The following SPTBN1 variants were observed in gnomAD, a reference collection of about 807,000 sequenced individuals.
SPTBN1 encodes spectrin beta, non-erythrocytic 1, also known as spectrin beta chain, non-erythrocytic 1.
Under a neutral mutation model 266.4 loss-of-function variants are expected in SPTBN1, and 32 were observed. The ratio of observed to expected loss-of-function variants is 0.12; its 90% CI spans 0.09 to 0.16. SPTBN1 has a LOEUF of 0.16. Among genes scored for constraint, SPTBN1 ranks in the 10% least tolerant of loss-of-function variants. The pLI, the probability that SPTBN1 is intolerant of heterozygous loss-of-function variation, is 1.00. For missense variants in SPTBN1, 2,296 were observed against 3,067.1 expected (o/e 0.75, Z 5.94); for synonymous variants, 1,336 against 1,162.2 (o/e 1.15, Z -3.04).
intron 2 of SPTBN1, among the ~76,000 whole-genome samples, chr2:54,588,348 A>G (rs76544501): frequency 0.039 from 5,918 of 152,232 alleles, 150 homozygotes; most frequent in Admixed American, 0.087. Flanking sequence ...ATGGATGGTT[A>G]TGAGTTTTTT....
At chr2:54,661,118 T>C (rs1681013983) in intron 32 of SPTBN1, 2 of 985,446 alleles carry the variant, frequency 2.0e-6, no homozygotes, top group Non-Finnish European at 2.4e-6. Flanking sequence ...ATTAATCTTC[T>C]GATTCATTGT....
intron 2 of SPTBN1, among the ~76,000 whole-genome samples, chr2:54,562,251 T>G (rs1451247214): frequency 2.0e-5 from 3 of 152,192 alleles, no homozygotes; most frequent in African/African-American, 7.2e-5. Flanking sequence ...GCTTAACTCC[T>G]CATGAGAGAA....
chr2:54,666,825 A>G (rs1681402700), intron 34 of SPTBN1, among the ~76,000 whole-genome samples: 1 of 152,242 alleles, frequency 6.6e-6, no homozygotes, highest in African/African-American at 2.4e-5. Flanking sequence ...GACTAGGCCC[A>G]GGGCTCCAGA....
At chr2:54,474,983 G>T (rs1276677187) in intron 1 of SPTBN1, among the ~76,000 whole-genome samples, 1 of 152,000 alleles carries the variant, frequency 6.6e-6, no homozygotes, top group Non-Finnish European at 1.5e-5. Context: ...AGACCAACCT[G>T]GCCACATGGT....
chr2:54,599,222 G>A lies in SPTBN1; in HGVS notation c.279G>A (p.Glu93=). ...GACGGATGCTCATCAAGCTGCTGGA[G>A]GTCCTCTCTGGAGAGAGGCTGGTGA... The part of the protein sequence containing the change: ...RDGRMLIKLL[E]VLSGERLPKP... Residue 93 remains glutamate (E), a synonymous_variant, in exon 3 of 36, where the codon GAG becomes GAA. Coordinates refer to ENST00000356805, the MANE Select transcript of SPTBN1 (RefSeq NM_003128.3). 6.2e-7 allele frequency: 1 copy of A among 1,614,174 alleles called. No individual in the cohort carries two copies.
At chr2:54,480,004 A>C (rs866884431) in intron 1 of SPTBN1, among the ~76,000 whole-genome samples, 2 of 152,126 alleles carry the variant, frequency 1.3e-5, no homozygotes, top group Non-Finnish European at 2.9e-5. Flanking sequence ...GGCTTATTCC[A>C]TTTATGGCAC....
At chr2:54,589,086 A>G (rs1675493945) in intron 2 of SPTBN1, among the ~76,000 whole-genome samples, 1 of 152,204 alleles carries the variant, frequency 6.6e-6, no homozygotes, top group African/African-American at 2.4e-5. Flanking sequence ...CAATCCAATT[A>G]TACTCTTAGT....
chr2:54,462,041 G>T (rs772623918), intron 1 of SPTBN1, among the ~76,000 whole-genome samples: 12 of 152,200 alleles, frequency 7.9e-5, no homozygotes, highest in Non-Finnish European at 1.6e-4. Context: ...TAATGGTGTT[G>T]TATACTAGCC....
intron 1 of SPTBN1, among the ~76,000 whole-genome samples, chr2:54,481,186 A>G (rs1010812154): frequency 6.6e-6 from 1 of 151,962 alleles, no homozygotes; most frequent in African/African-American, 2.4e-5. Flanking sequence ...GAAATGAAGA[A>G]CAGGTTTGGA....
chr2:54,480,030 T>C lies in SPTBN1; in HGVS notation c.-48+23512T>C, dbSNP rs576393229. Among the ~76,000 whole-genome samples the C allele has an allele frequency of 5.3e-5, 8 of 152,330 alleles. No homozygotes were observed. The South Asian group carries it at 1.7e-3, about 32-fold the overall frequency. On this transcript the variant is annotated intron_variant, in intron 1 of 35. Coordinates refer to ENST00000356805, the MANE Select transcript of SPTBN1 (RefSeq NM_003128.3). ...TTTATGGCACCTGCTCAAACTTAAT[T>C]GCTTGCTTTATCTGAGCCCTTTCCT...
At position 54,558,590 on chromosome 2, in the gene SPTBN1, C is replaced by T. The variant is rs13394958; in HGVS notation, c.148+32024C>T. 8.9e-3 allele frequency: 12,307 copies of T among 1,377,986 alleles called. 572 individuals carry two copies. The African/African-American group carries it at 0.13, about 14-fold the overall frequency. The allele number at this position is 1,377,986 out of a possible 1,614,324, so 85.4% of individuals were successfully genotyped here. On this transcript the variant is annotated intron_variant, in intron 2 of 35. Coordinates refer to ENST00000356805, the MANE Select transcript of SPTBN1 (RefSeq NM_003128.3). This position sits in a 1 kb window ranked among gnomAD's most constrained non-coding sequence, Gnocchi z 4.6. Reference sequence around the variant, plus strand: ...AAATTAGATGCCTGTGTGGTAACTCCTCGCGGAGCTAAGGTGGACTCTCTT... The same window carrying T: ...AAATTAGATGCCTGTGTGGTAACTCTTCGCGGAGCTAAGGTGGACTCTCTT...
chr2:54,561,185 C>T (rs1460583898), intron 2 of SPTBN1, among the ~76,000 whole-genome samples: 1 of 152,174 alleles, frequency 6.6e-6, no homozygotes, highest in African/African-American at 2.4e-5. Flanking sequence ...CACGCTGTTG[C>T]CCAGGCTCTA....
chr2:54,528,315 T>A (rs1325994226), intron 2 of SPTBN1: 1 of 152,666 alleles, frequency 6.6e-6, no homozygotes, highest in Non-Finnish European at 1.5e-5. Flanking sequence ...CCATTTTGTT[T>A]GCAAACTACA....
chr2:54,533,028 T>C lies in SPTBN1; in HGVS notation c.148+6462T>C, dbSNP rs1350974505. On this transcript the variant is annotated intron_variant, in intron 2 of 35. Coordinates refer to ENST00000356805, the MANE Select transcript of SPTBN1 (RefSeq NM_003128.3). The surrounding 1 kb of genome is among the most constrained non-coding windows in gnomAD (Gnocchi z 4.2). ...AAAGGAAGCATTTGACAGTCGCTTCTTTTTAGCATATCTGAATTGCCAGCC... is the reference window on the plus strand; with the variant it reads ...AAAGGAAGCATTTGACAGTCGCTTCCTTTTAGCATATCTGAATTGCCAGCC... Among the ~76,000 whole-genome samples the C allele has an allele frequency of 6.6e-6, 1 of 152,150 alleles. No individual in the cohort carries two copies. The highest frequency in any genetic ancestry group is 1.5e-5 in the Non-Finnish European group (1 of 68,028).
At chr2:54,598,732 TC>T (rs1442473721) in intron 2 of SPTBN1, among the ~76,000 whole-genome samples, 1 of 152,208 alleles carries the variant, frequency 6.6e-6, no homozygotes, top group Non-Finnish European at 1.5e-5. Flanking sequence ...GTCATCTGCA[TC>T]CTGCTGCCTC....
intron 2 of SPTBN1, among the ~76,000 whole-genome samples, chr2:54,592,425 C>T (rs1675742350): frequency 6.6e-6 from 1 of 150,382 alleles, no homozygotes; most frequent in Non-Finnish European, 1.5e-5. Flanking sequence ...GCTCCTGTTG[C>T]CCAGGCTGGA....
At chr2:54,524,510 C>T (rs564358722) in intron 1 of SPTBN1, among the ~76,000 whole-genome samples, 2 of 152,186 alleles carry the variant, frequency 1.3e-5, no homozygotes, top group African/African-American at 2.4e-5. Context: ...TAAGCACATC[C>T]ACCTCTTAAC....
At chr2:54,457,030 G>C (rs1214999534) in intron 1 of SPTBN1, among the ~76,000 whole-genome samples, 1 of 151,670 alleles carries the variant, frequency 6.6e-6, no homozygotes, top group Non-Finnish European at 1.5e-5. Context: ...GGCTCTGCGC[G>C]TAGCGGTGCA....
At chr2:54,613,130 T>C (rs1395241157) in intron 4 of SPTBN1, among the ~76,000 whole-genome samples, 1 of 152,210 alleles carries the variant, frequency 6.6e-6, no homozygotes, top group Non-Finnish European at 1.5e-5. Context: ...GCCTGATTAT[T>C]GGTTCTTTCT....
Sources: gnomAD v4.1 joint callset for allele counts (sites outside exome capture counted in the v4.1 genomes callset) on GRCh38, gnomAD v4.1.1 for gene constraint, Gnocchi (gnomAD v3.1) non-coding constraint, MANE v1.5 for transcripts, NCBI Gene and HGNC (gene_info 2026-07-23, HGNC 2026-07-21) for gene names.